Variants in PHLDB1 observed in about 807,000 individuals in gnomAD.
PHLDB1 encodes the protein pleckstrin homology-like domain family B member 1.
In PHLDB1, 65 loss-of-function variants were observed where a neutral mutation model predicts 139.3. The ratio of observed to expected loss-of-function variants is 0.47; its 90% CI spans 0.38 to 0.57. The LOEUF (loss-of-function observed/expected upper bound fraction) is 0.57. Ranked by LOEUF, PHLDB1 falls within the 20% of genes least tolerant of loss-of-function variation. The pLI is 0.00. For synonymous variants in PHLDB1, 679 were observed against 734.5 expected (o/e 0.92, Z 1.22); for missense variants, 1,624 against 1,839.7 (o/e 0.88, Z 2.14).
At chr11:118,648,270 TGTGTGTGTGTG>T (rs1409744884) in intron 18 of PHLDB1, among the ~76,000 whole-genome samples, 194 bp downstream of exon 18, 170 of 3,080 alleles carry the variant, frequency 0.055, 1 homozygote, top group East Asian at 0.41. Context: ...CTATTCAAGT[TGTGTGTGTGTG>T]TGTGTGTGTG....
Position 118,608,785 on chromosome 11 carries a change from T to G in PHLDB1, c.-22+1086T>G, listed in dbSNP as rs1939583005. ...CCGGACCCGCCCACACGCCGAGGCC[T>G]TCCCACGCACTCCATGCCTTACGCC... On this transcript the variant is annotated intron_variant, in intron 1 of 22. Transcript: ENST00000600882. This position sits in a 1 kb window ranked among gnomAD's most constrained non-coding sequence, Gnocchi z 6.7. Among the ~76,000 whole-genome samples the G allele has an allele frequency of 6.8e-6, 1 of 147,604 alleles. No individual in the cohort carries two copies. The highest frequency in any genetic ancestry group is 2.5e-5 in the African/African-American group (1 of 39,990).
Position 118,631,424 on chromosome 11 carries a change from C to T in PHLDB1, c.2045C>T (p.Ser682Leu). 1 of 1,455,796 alleles carries T rather than the reference C, an allele frequency of 6.9e-7. No homozygotes were observed. The highest frequency in any genetic ancestry group is 1.5e-5 in the South Asian group (1 of 67,038). The allele number at this position is 1,455,796 out of a possible 1,614,324, so 90.2% of individuals were successfully genotyped here. Residue 682 changes from serine (S) to leucine (L), a missense_variant, in exon 7 of 23, where the codon TCA becomes TTA. By Grantham distance (145) the Ser-to-Leu change is moderately radical. Transcript: ENST00000600882. ...CGCCTATGGGAGAGTATGGAGCGCT[C>T]AGATGAGGAAAATCTCAAGGAGGAG... ...TQRLWESMERSDEENLKEECS... is the reference protein window; with the variant it reads ...TQRLWESMERLDEENLKEECS...
At chr11:118,606,903 TG>T (rs1334191107), upstream of PHLDB1, among the ~76,000 whole-genome samples, 1 of 152,126 alleles carries the variant, frequency 6.6e-6, no homozygotes, top group Non-Finnish European at 1.5e-5. Flanking sequence ...TGGAGCTCCA[TG>T]GGGGCAAGAT....
Position 118,655,652 on chromosome 11 carries a change from G to A in PHLDB1, c.3922G>A (p.Glu1308Lys). The change falls in exon 21 of 23, where the codon GAG becomes AAG. Residue 1308 changes from glutamate to lysine, a missense_variant. Coordinates refer to ENST00000600882, the MANE Select transcript of PHLDB1 (RefSeq NM_001144758.3). ...GGGAGTCATCTATTTCCAGGCCATT[G>A]AGGAAGTGTACTACGACCACCTGCG... ...LKGVIYFQAI[E>K]EVYYDHLRSA... 6.2e-7 allele frequency: 1 copy of A among 1,613,748 alleles called. No individual in the cohort carries two copies. The highest frequency in any genetic ancestry group is 2.2e-5 in the East Asian group (1 of 44,854).
At chr11:118,646,575 G>A (rs1186036069) in intron 17 of PHLDB1, 10 of 152,092 alleles carry the variant, frequency 6.6e-5, no homozygotes, top group Admixed American at 2.6e-4. Context: ...GTGTAGAGGT[G>A]TTGGCAGGGG....
In PHLDB1 at chr11:118,610,918, T is replaced by C. The variant is rs932584059; in HGVS notation, c.-21-2898T>C. 2.6e-5 allele frequency among the ~76,000 whole-genome samples: 4 copies of C among 152,094 alleles called. No homozygotes were observed. The highest frequency in any genetic ancestry group is 9.7e-5 in the African/African-American group (4 of 41,418). ...ATCCAGACACCTGGGCCTCCGCCAC[T>C]CGGCTGCCGGGGCGGCACTGGGGCG... is the stretch of plus-strand genomic sequence containing the variant. On this transcript the variant is annotated intron_variant, in intron 1 of 22. Transcript: ENST00000600882. This position sits in a 1 kb window ranked among gnomAD's most constrained non-coding sequence, Gnocchi z 8.7.
At chr11:118,626,996 G>A (rs1386745048) in intron 5 of PHLDB1, 7 of 388,008 alleles carry the variant, frequency 1.8e-5, no homozygotes, top group Non-Finnish European at 2.8e-5. Context: ...ATAGATTGGA[G>A]GAGTCTAGTC....
At chr11:118,654,439 A>G (rs1450372382) in intron 20 of PHLDB1, 4 of 152,198 alleles carry the variant, frequency 2.6e-5, no homozygotes, top group African/African-American at 9.7e-5. Flanking sequence ...AAAATAAAAA[A>G]TATATAAAAA....
At chr11:118,639,039 G>C (rs1289089336) in intron 11 of PHLDB1, 38 bp downstream of exon 11, 7 of 1,583,294 alleles carry the variant, frequency 4.4e-6, no homozygotes, top group Non-Finnish European at 4.3e-6. Context: ...ATTTGGAGTA[G>C]GGTAAGTGGG....
chr11:118,632,351 G>A lies in PHLDB1; in HGVS notation c.2379+55G>A, dbSNP rs888329827. 199 of 1,565,814 alleles carry A rather than the reference G, an allele frequency of 1.3e-4. No homozygotes were observed. Among genetic ancestry groups the A allele is most frequent in the Admixed American group, 1.7e-4 (10 of 59,770 alleles). ...GGGTACCAGTGGCCTGGGAGAGAAGGAGAAATGTCTTCTCTGGGGCCCTGT... is the reference window on the plus strand; with the variant it reads ...GGGTACCAGTGGCCTGGGAGAGAAGAAGAAATGTCTTCTCTGGGGCCCTGT... On this transcript the variant is annotated intron_variant, in intron 9 of 22. Coordinates refer to ENST00000600882, the MANE Select transcript of PHLDB1 (RefSeq NM_001144758.3). This position sits in a 1 kb window ranked among gnomAD's most constrained non-coding sequence, Gnocchi z 5.9.
intron 5 of PHLDB1, 72 bp from the exon 6 acceptor site, chr11:118,627,233 A>G (rs1460645364): frequency 2.6e-5 from 38 of 1,447,534 alleles, no homozygotes; most frequent in Non-Finnish European, 3.5e-5. Flanking sequence ...TGCTAGGAGG[A>G]GGGGGGCTAG....
intron 12 of PHLDB1, chr11:118,639,577 C>A: frequency 2.3e-6 from 1 of 434,956 alleles, no homozygotes; most frequent in South Asian, 2.9e-5. Context: ...ATGGACTCAC[C>A]TTGAAGGGGA....
chr11:118,615,957 T>C, intron 3 of PHLDB1, 84 bp from the exon 4 acceptor site: 1 of 1,123,830 alleles, frequency 8.9e-7, no homozygotes, highest in Non-Finnish European at 1.3e-6. Context: ...GGTGGAAATA[T>C]GTTTCCACTG....
Position 118,645,641 on chromosome 11 carries a change from A to G in PHLDB1, c.3407A>G (p.Asn1136Ser), listed in dbSNP as rs1555127123. ...GGCAACTCGGCCTGCTCCCCTGACA[A>G]CATGTCCAGGTACACCCGACGCCTG... is the stretch of plus-strand genomic sequence containing the variant. The part of the protein sequence containing the change: ...TGGNSACSPD[N>S]MSSASGLDMG... Residue 1136 changes from asparagine to serine, a missense_variant, in exon 16 of 23, where the codon AAC becomes AGC. By Grantham distance (46) the Asn-to-Ser change is conservative (BLOSUM62 1). Coordinates refer to ENST00000600882, the MANE Select transcript of PHLDB1 (RefSeq NM_001144758.3). The surrounding 1 kb of genome is among the most constrained non-coding windows in gnomAD (Gnocchi z 5.1). 1 of 1,613,288 alleles carries G rather than the reference A, an allele frequency of 6.2e-7. No individual in the cohort carries two copies. Among genetic ancestry groups the G allele is most frequent in the South Asian group, 1.1e-5 (1 of 91,022 alleles).
intron 12 of PHLDB1, chr11:118,640,162 C>G (rs144998129): frequency 1.1e-3 from 191 of 179,628 alleles, no homozygotes; most frequent in Non-Finnish European, 1.4e-3. Context: ...GCATGCCATG[C>G]CGCCATTCCA....
In PHLDB1 at chr11:118,650,130, GAC is replaced by G; in HGVS notation, c.3712_3713del (p.His1238TyrfsTer2). The G allele has an allele frequency of 6.2e-7, 1 of 1,614,204 alleles. No homozygotes were observed. The highest frequency in any genetic ancestry group is 8.5e-7 in the Non-Finnish European group (1 of 1,180,022). ...PIRKEDFDLK[T>X]HIESSGHGVD... ...TCCGGAAGGAGGACTTTGACCTGAA[GAC>G]ACATATTGAGTCATCGGGCCATGGT... On this transcript the variant is annotated frameshift_variant, in exon 19 of 23. Coordinates refer to ENST00000600882, the MANE Select transcript of PHLDB1 (RefSeq NM_001144758.3). LOFTEE classifies it high-confidence loss of function. The surrounding 1 kb of genome is among the most constrained non-coding windows in gnomAD (Gnocchi z 4.7).
chr11:118,648,671 G>A (rs1947921096), intron 18 of PHLDB1, among the ~76,000 whole-genome samples: 1 of 152,176 alleles, frequency 6.6e-6, no homozygotes, highest in Non-Finnish European at 1.5e-5. Context: ...CTTCGGGACA[G>A]AAATCCTTCC....
rs369630236 is a variant in PHLDB1, at chr11:118,632,049, G to A, written c.2237G>A (p.Arg746Gln). The A allele has an allele frequency of 6.6e-5, 106 of 1,613,774 alleles. No homozygotes were observed. Among genetic ancestry groups the A allele is most frequent in the Non-Finnish European group, 8.4e-5 (99 of 1,179,874 alleles). ...ELEQQLQESAREAEMERALLQ... is the reference protein window; with the variant it reads ...ELEQQLQESAQEAEMERALLQ... ...GAGCAGCAGCTGCAGGAGTCAGCCC[G>A]AGAGGTGAGCCGTGAAGTCCCTAGC... The change falls in exon 8 of 23, where the codon CGA becomes CAA. Residue 746 changes from arginine (R) to glutamine (Q), a missense_variant. By Grantham distance (43) the Arg-to-Gln change is conservative. Transcript: ENST00000600882. The surrounding 1 kb of genome is among the most constrained non-coding windows in gnomAD (Gnocchi z 5.9).
rs139680907 is a variant in PHLDB1, at chr11:118,631,969, G to C, written c.2157G>C (p.Glu719Asp). ...LQGEVLALEE[E>D]RAQVLGHVEQ... ...GAGAGGTGCTAGCCCTGGAAGAAGA[G>C]CGGGCTCAGGTGCTGGGGCACGTGG... Residue 719 changes from glutamate (E) to aspartate (D), a missense_variant, in exon 8 of 23, where the codon GAG becomes GAC. Physicochemically the swap from Glu to Asp is conservative, Grantham distance 45. Coordinates refer to ENST00000600882, the MANE Select transcript of PHLDB1 (RefSeq NM_001144758.3). 6.2e-7 allele frequency: 1 copy of C among 1,614,040 alleles called. No homozygotes were observed. Among genetic ancestry groups the C allele is most frequent in the African/African-American group, 1.3e-5 (1 of 74,934 alleles).
Sources: gnomAD v4.1 joint callset for allele counts (sites outside exome capture counted in the v4.1 genomes callset) on GRCh38, gnomAD v4.1.1 for gene constraint, Gnocchi (gnomAD v3.1) non-coding constraint, MANE v1.5 for transcripts, NCBI Gene and HGNC (gene_info 2026-07-23, HGNC 2026-07-21) for gene names.